Variants in CCSER1 observed in about 807,000 individuals in gnomAD.
The protein encoded by CCSER1 is serine-rich coiled-coil domain-containing protein 1.
Under a neutral mutation model 82.0 loss-of-function variants are expected in CCSER1, and 41 were observed. The observed-to-expected ratio is 0.50, with a 90% confidence interval of 0.39 to 0.65. CCSER1 has a LOEUF of 0.65. CCSER1 is among the 30% of genes least tolerant of loss of function. The pLI, the probability that CCSER1 is intolerant of heterozygous loss-of-function variation, is 0.00. For synonymous variants in CCSER1, 414 were observed against 383.9 expected (o/e 1.08, Z -0.92); for missense variants, 1,119 against 1,064.2 (o/e 1.05, Z -0.72).
At chr4:91,531,165 G>A (rs1020720094) in intron 10 of CCSER1, among the ~76,000 whole-genome samples, 6 of 152,050 alleles carry the variant, frequency 3.9e-5, no homozygotes, top group Non-Finnish European at 5.9e-5. Flanking sequence ...CATTGTAAGA[G>A]GTATTTAAAA....
intron 5 of CCSER1, among the ~76,000 whole-genome samples, chr4:90,550,654 A>C (rs911797829): frequency 2.6e-5 from 4 of 152,238 alleles, no homozygotes; most frequent in Non-Finnish European, 1.5e-5. Flanking sequence ...ATGTAACCTT[A>C]CAAGTATAGA....
chr4:91,502,623 C>T (rs1759270906), intron 10 of CCSER1, among the ~76,000 whole-genome samples: 1 of 152,128 alleles, frequency 6.6e-6, no homozygotes, highest in Non-Finnish European at 1.5e-5. Context: ...TCTCATTTGC[C>T]AATTATTCAT....
At chr4:90,408,548 T>A (rs1029216988) in intron 4 of CCSER1, among the ~76,000 whole-genome samples, 14 of 152,110 alleles carry the variant, frequency 9.2e-5, no homozygotes, top group African/African-American at 3.4e-4. Context: ...TCCAGTAAAC[T>A]CCAACAGATC....
At chr4:91,594,954 C>T (rs1169355970) in intron 10 of CCSER1, among the ~76,000 whole-genome samples, 1 of 151,914 alleles carries the variant, frequency 6.6e-6, no homozygotes, top group Non-Finnish European at 1.5e-5. Flanking sequence ...CAAACAAATA[C>T]ACTTTCAAGA....
intron 5 of CCSER1, among the ~76,000 whole-genome samples, chr4:90,503,799 C>T (rs1359568357): frequency 6.6e-6 from 1 of 151,954 alleles, no homozygotes; most frequent in Non-Finnish European, 1.5e-5. Flanking sequence ...AATTTTATTT[C>T]AGTTATGGCT....
intron 9 of CCSER1, among the ~76,000 whole-genome samples, chr4:90,980,225 T>C (rs1029110486): frequency 3.3e-5 from 5 of 151,846 alleles, no homozygotes; most frequent in African/African-American, 7.2e-5. Flanking sequence ...ATGCAAGCTA[T>C]GTAGTCCTGA....
intron 10 of CCSER1, among the ~76,000 whole-genome samples, chr4:91,376,483 G>T (rs150283383): frequency 0.02 from 2,985 of 152,212 alleles, 76 homozygotes; most frequent in African/African-American, 0.067. Flanking sequence ...CACATATGTG[G>T]TCTATCATTG....
At chr4:90,461,453 A>G (rs968305766) in intron 4 of CCSER1, among the ~76,000 whole-genome samples, 1 of 152,144 alleles carries the variant, frequency 6.6e-6, no homozygotes, top group Non-Finnish European at 1.5e-5. Context: ...AGGATCAAAT[A>G]CTAATGTTTT....
intron 9 of CCSER1, among the ~76,000 whole-genome samples, chr4:91,051,692 C>A (rs1426356708): frequency 6.6e-6 from 1 of 152,108 alleles, no homozygotes; most frequent in African/African-American, 2.4e-5. Context: ...GGCACACAGG[C>A]AGTTTGTTTT....
chr4:90,913,727 A>C (rs1726814554), intron 8 of CCSER1, among the ~76,000 whole-genome samples: 1 of 152,164 alleles, frequency 6.6e-6, no homozygotes, highest in South Asian at 2.1e-4. Flanking sequence ...ACCAATAAGT[A>C]TGCTGTATTC....
intron 10 of CCSER1, among the ~76,000 whole-genome samples, chr4:91,203,615 G>C (rs924030533): frequency 1.3e-5 from 2 of 151,230 alleles, no homozygotes; most frequent in Non-Finnish European, 3.0e-5. Flanking sequence ...ACACAGGAAT[G>C]CTCTGCTAAA....
chr4:90,408,978 T>C (rs1302401280), intron 4 of CCSER1, among the ~76,000 whole-genome samples: 2 of 152,136 alleles, frequency 1.3e-5, no homozygotes, highest in Non-Finnish European at 2.9e-5. Context: ...AACTACGTGA[T>C]GAATGCACAA....
chr4:91,474,938 GTTTA>G (rs1314326863), intron 10 of CCSER1, among the ~76,000 whole-genome samples: 2 of 151,476 alleles, frequency 1.3e-5, no homozygotes, highest in African/African-American at 2.4e-5. Context: ...ATCATTGCAT[GTTTA>G]TTTATTTATA....
intron 8 of CCSER1, among the ~76,000 whole-genome samples, chr4:90,874,771 G>A (rs1766981558): frequency 6.6e-6 from 1 of 151,994 alleles, no homozygotes; most frequent in African/African-American, 2.4e-5. Context: ...AAATTGGCTG[G>A]GTGTGGTGTC....
At chr4:90,610,317 A>G (rs999749676) in intron 5 of CCSER1, among the ~76,000 whole-genome samples, 9 of 151,920 alleles carry the variant, frequency 5.9e-5, no homozygotes, top group Non-Finnish European at 1.3e-4. Context: ...TGATTTCAGT[A>G]AGCTGTAATT....
chr4:90,133,854 A>T (rs1161264480), intron 1 of CCSER1, among the ~76,000 whole-genome samples: 6 of 152,240 alleles, frequency 3.9e-5, no homozygotes. Flanking sequence ...AGCACATAGT[A>T]GACGCCTGAT....
rs575439514 is a variant in CCSER1, at chr4:90,898,930, A to AT, written c.2095-24434dup. ...TTATGATTGCTTTGGGTATTTAGGC[A>AT]TTTTTTGGTTCCATGTTATTTTTAG... On this transcript the variant is annotated intron_variant, in intron 8 of 10. Transcript: ENST00000509176. Among the ~76,000 whole-genome samples, 97 of 151,496 alleles carry AT rather than the reference A, an allele frequency of 6.4e-4. 2 individuals are homozygous for AT. Among genetic ancestry groups the AT allele is most frequent in the Admixed American group, 4.8e-3 (73 of 15,182 alleles).
chr4:91,266,412 C>T (rs963819052), intron 10 of CCSER1, among the ~76,000 whole-genome samples: 1 of 151,912 alleles, frequency 6.6e-6, no homozygotes, highest in African/African-American at 2.4e-5. Flanking sequence ...CCACCATGCC[C>T]TGCTAATTTT....
chr4:90,746,732 G>C (rs1417866192), intron 7 of CCSER1, among the ~76,000 whole-genome samples: 4 of 152,150 alleles, frequency 2.6e-5, no homozygotes, highest in Non-Finnish European at 5.9e-5. Flanking sequence ...TCTTTTTCAA[G>C]ATCTTCCATA....
Sources: allele counts gnomAD v4.1 joint callset (sites outside exome capture counted in the v4.1 genomes callset), GRCh38; gene constraint gnomAD v4.1.1; transcripts MANE v1.5; gene names NCBI Gene and HGNC (gene_info 2026-07-23, HGNC 2026-07-21).